The following HIP1 variants were observed in gnomAD, a reference collection of about 807,000 sequenced individuals.
HIP1 encodes huntingtin-interacting protein 1.
HIP1 carries 65 observed loss-of-function variants against 147.6 expected under a neutral mutation model. The ratio of observed to expected loss-of-function variants is 0.44; its 90% CI spans 0.36 to 0.54. HIP1 has a LOEUF of 0.54. Among genes scored for constraint, HIP1 ranks in the 20% least tolerant of loss-of-function variants. HIP1 has a pLI of 0.00. For missense variants in HIP1, 1,061 were observed against 1,299.6 expected, an observed-to-expected ratio of 0.82 and a Z score of 2.82; for synonymous variants, 479 against 504.0, an observed-to-expected ratio of 0.95 and a Z score of 0.67.
intron 29 of HIP1, 135 bp downstream of exon 29, chr7:75,541,784 G>T: frequency 1.6e-6 from 1 of 616,708 alleles, no homozygotes; most frequent in Non-Finnish European, 2.9e-6. Context: ...GTTTCTTCCG[G>T]CAAGATTTAC....
In HIP1 at chr7:75,573,969, C is replaced by A. The variant is rs1333456177; in HGVS notation, c.605-68G>T. Reference sequence around the variant, plus strand: ...ATTACAGGCAGCCTCTTCAGAGGGGCAGAGGCAGGGGTCCAACATACACCA... The same window carrying A: ...ATTACAGGCAGCCTCTTCAGAGGGGAAGAGGCAGGGGTCCAACATACACCA... On this transcript the variant is annotated intron_variant, in intron 7 of 30. Coordinates refer to ENST00000336926, the MANE Select transcript of HIP1 (RefSeq NM_005338.7). 13 of 1,444,910 alleles carry A rather than the reference C, an allele frequency of 9.0e-6. No homozygotes were observed. The African/African-American group carries it at 1.3e-4, about 14-fold the overall frequency. The allele number at this position is 1,444,910 out of a possible 1,614,324, so 89.5% of individuals were successfully genotyped here.
At chr7:75,705,675 C>T (rs1449161334) in intron 1 of HIP1, among the ~76,000 whole-genome samples, 1 of 151,986 alleles carries the variant, frequency 6.6e-6, no homozygotes, top group Admixed American at 6.6e-5. Flanking sequence ...CTTTTTAAGA[C>T]TCCATAATAT....
chr7:75,701,573 G>A (rs999069205), intron 1 of HIP1, among the ~76,000 whole-genome samples: 67 of 151,974 alleles, frequency 4.4e-4, no homozygotes, highest in African/African-American at 1.5e-3. Context: ...AATTAAGCTG[G>A]GCATGGTGGA....
chr7:75,573,916 T>C lies in HIP1; in HGVS notation c.605-15A>G. 1 of 1,604,056 alleles carries C rather than the reference T, an allele frequency of 6.2e-7. No homozygotes were observed. The highest frequency in any genetic ancestry group is 8.5e-7 in the Non-Finnish European group (1 of 1,172,368). On this transcript the variant is annotated splice_polypyrimidine_tract_variant and intron_variant, in intron 7 of 30. Transcript: ENST00000336926. ...GGAGTTGAATACTAGGAAATAAAAG[T>C]GAGGGAGAAAGGTGGTAGAGCCAGG...
In HIP1 at chr7:75,556,183, C is replaced by A. The variant is rs782596359; in HGVS notation, c.1684-14G>T. Reference sequence around the variant, plus strand: ...GTTTGCTTCTGACTGCAAAGGTGACCACAAGGAAAGAGGGAGACGCTGGTT... The same window carrying A: ...GTTTGCTTCTGACTGCAAAGGTGACAACAAGGAAAGAGGGAGACGCTGGTT... On this transcript the variant is annotated splice_polypyrimidine_tract_variant and intron_variant, in intron 17 of 30. Transcript: ENST00000336926. 6.2e-7 allele frequency: 1 copy of A among 1,613,266 alleles called. No homozygotes were observed. The highest frequency in any genetic ancestry group is 1.7e-5 in the Admixed American group (1 of 59,912).
intron 1 of HIP1, among the ~76,000 whole-genome samples, chr7:75,697,650 A>G (rs1800682670): frequency 6.6e-6 from 1 of 152,116 alleles, no homozygotes; most frequent in African/African-American, 2.4e-5. Flanking sequence ...CATCTCTACT[A>G]AAAATACAAA....
chr7:75,662,339 AC>A (rs1283011737), intron 1 of HIP1, among the ~76,000 whole-genome samples: 5 of 151,830 alleles, frequency 3.3e-5, no homozygotes, highest in Non-Finnish European at 5.9e-5. Context: ...CTGCACCACC[AC>A]GCCCAGCTAT....
intron 20 of HIP1, 100 bp from the exon 21 acceptor site, chr7:75,554,320 A>C: frequency 7.8e-7 from 1 of 1,277,212 alleles, no homozygotes; most frequent in Non-Finnish European, 1.1e-6. Context: ...CCTTTCTTGT[A>C]TGAGTTGCCT....
At chr7:75,610,517 T>C (rs1797395180) in intron 1 of HIP1, among the ~76,000 whole-genome samples, 1 of 151,882 alleles carries the variant, frequency 6.6e-6, no homozygotes, top group South Asian at 2.1e-4. Context: ...GCCTTTTTTT[T>C]CTCTTTTTTT....
At position 75,562,060 on chromosome 7, in the gene HIP1, A is replaced by G. The variant is rs1554494657; in HGVS notation, c.1118+13T>C. 6.5e-7 allele frequency: 1 copy of G among 1,543,126 alleles called. No homozygotes were observed. The highest frequency in any genetic ancestry group is 1.4e-5 in the African/African-American group (1 of 73,504). On this transcript the variant is annotated intron_variant, in intron 12 of 30. Transcript: ENST00000336926. ...GCTCCTGAACCATCTGCTTGAACCC[A>G]GCTTGGACTCACTTCTCATCCTTGT...
intron 1 of HIP1, among the ~76,000 whole-genome samples, chr7:75,723,908 C>T (rs1801571657): frequency 6.6e-6 from 1 of 151,464 alleles, no homozygotes; most frequent in Non-Finnish European, 1.5e-5. Flanking sequence ...TGTCAGTGCG[C>T]CCGGCTAATT....
At chr7:75,538,593 G>A (rs868931403) in intron 30 of HIP1, among the ~76,000 whole-genome samples, 1 of 23,486 alleles carries the variant, frequency 4.3e-5, no homozygotes, top group South Asian at 1.2e-3. Flanking sequence ...TTTTTTTTTT[G>A]AGATGGAGTC....
At position 75,568,314 on chromosome 7, in the gene HIP1, C is replaced by T. The variant is rs1005456997; in HGVS notation, c.746-58G>A. 16 of 1,173,404 alleles carry T rather than the reference C, an allele frequency of 1.4e-5. No individual in the cohort carries two copies. The highest frequency in any genetic ancestry group is 1.8e-5 in the Non-Finnish European group (14 of 778,356). 72.7% of individuals were successfully genotyped at this position (1,173,404 alleles called of 1,614,324 possible). A position where few individuals can be genotyped will look rare whatever the true frequency, so the allele number is the denominator to read the frequency against. ...GGGGGACCAGAGGGCAGGGAAGCCA[C>T]AGCGGGGCTCTCGAGGGGGAGGGGC... On this transcript the variant is annotated intron_variant, in intron 8 of 30. Coordinates refer to ENST00000336926, the MANE Select transcript of HIP1 (RefSeq NM_005338.7). This position sits in a 1 kb window ranked among gnomAD's most constrained non-coding sequence, Gnocchi z 4.1.
At chr7:75,544,176 A>G (rs1794444494) in intron 27 of HIP1, among the ~76,000 whole-genome samples, 1 of 150,984 alleles carries the variant, frequency 6.6e-6, no homozygotes, top group African/African-American at 2.4e-5. Flanking sequence ...TGTCTCCAAA[A>G]AAAAAAAAAA....
intron 1 of HIP1, among the ~76,000 whole-genome samples, chr7:75,657,695 G>A (rs1554512911): frequency 6.6e-6 from 1 of 151,960 alleles, no homozygotes; most frequent in East Asian, 1.9e-4. Flanking sequence ...AACACTCAGT[G>A]CACAGACATA....
chr7:75,600,991 C>CAAGT (rs1340942374), intron 1 of HIP1, among the ~76,000 whole-genome samples: 1 of 152,082 alleles, frequency 6.6e-6, no homozygotes, highest in Non-Finnish European at 1.5e-5. Flanking sequence ...CTCCTGGCTT[C>CAAGT]AAGTGATCCT....
Position 75,589,294 on chromosome 7 carries a change from T to C in HIP1, c.385-2461A>G, listed in dbSNP as rs192675575. Reference sequence around the variant, plus strand: ...TGAAGGCTAGAGTTGATAAAAATTATCCAGAATACAGCAAAGACAAATAGG... The same window carrying C: ...TGAAGGCTAGAGTTGATAAAAATTACCCAGAATACAGCAAAGACAAATAGG... On this transcript the variant is annotated intron_variant, in intron 4 of 30. Coordinates refer to ENST00000336926, the MANE Select transcript of HIP1 (RefSeq NM_005338.7). 3.2e-3 allele frequency among the ~76,000 whole-genome samples: 484 copies of C among 152,080 alleles called. 4 individuals carry two copies. Among genetic ancestry groups the C allele is most frequent in the Non-Finnish European group, 5.2e-3 (352 of 67,996 alleles).
chr7:75,611,199 G>A (rs1024281096), intron 1 of HIP1, among the ~76,000 whole-genome samples: 3 of 151,744 alleles, frequency 2.0e-5, no homozygotes, highest in East Asian at 3.9e-4. Context: ...AGGTGCGGTG[G>A]CTCATACCTG....
At chr7:75,629,415 G>C (rs1798140233) in intron 1 of HIP1, among the ~76,000 whole-genome samples, 1 of 152,126 alleles carries the variant, frequency 6.6e-6, no homozygotes. Flanking sequence ...TCATTCCCCA[G>C]GGTTGTATGT....
Sources: allele counts gnomAD v4.1 joint callset (sites outside exome capture counted in the v4.1 genomes callset), GRCh38; gene constraint gnomAD v4.1.1; non-coding constraint Gnocchi (gnomAD v3.1); transcripts MANE v1.5; gene names NCBI Gene and HGNC (gene_info 2026-07-23, HGNC 2026-07-21).